Variants in CRADD observed in about 807,000 individuals in gnomAD.
CRADD encodes the protein death domain-containing protein CRADD.
Under a neutral mutation model 15.5 loss-of-function variants are expected in CRADD, and 9 were observed. The observed-to-expected ratio is 0.58, with a 90% confidence interval of 0.35 to 1.01. The LOEUF (loss-of-function observed/expected upper bound fraction) is 1.01, where lower values mean the gene tolerates loss of function less well. CRADD is among the 50% of genes least tolerant of loss of function. CRADD has a pLI of 0.02. For synonymous variants in CRADD, 118 were observed against 107.6 expected (o/e 1.10, Z -0.60); for missense variants, 227 against 250.3 (o/e 0.91, Z 0.63).
At chr12:93,678,731 A>C in intron 1 of CRADD, 38 bp from the exon 2 acceptor site, 1 of 1,585,540 alleles carries the variant, frequency 6.3e-7, no homozygotes, top group Non-Finnish European at 8.6e-7. Context: ...CCACATCAAC[A>C]TGTCTGTAAT....
chr12:93,869,744 A>C lies in CRADD; in HGVS notation c.299-24306A>C, dbSNP rs559747361. On this transcript the variant is annotated intron_variant, in intron 2 of 2. Transcript: ENST00000548483. The stretch of plus-strand genomic sequence containing the variant: ...AGAACTTGAAGAAAAGCCAACAAAA[A>C]TCACCAACTAAAGGAGAAGAATATT... Among the ~76,000 whole-genome samples the C allele has an allele frequency of 1.2e-3, 185 of 152,336 alleles. No homozygotes were observed. In the Middle Eastern group the frequency reaches 0.017, roughly 14 times the overall value.
chr12:93,802,801 G>C (rs976050747), intron 2 of CRADD, among the ~76,000 whole-genome samples: 2 of 152,176 alleles, frequency 1.3e-5, no homozygotes, highest in African/African-American at 2.4e-5. Context: ...CTCAGTGTGA[G>C]CTCTGAATGC....
At chr12:93,818,513 T>C (rs999692100) in intron 2 of CRADD, among the ~76,000 whole-genome samples, 1 of 152,126 alleles carries the variant, frequency 6.6e-6, no homozygotes, top group Non-Finnish European at 1.5e-5. Flanking sequence ...GCTCCCTTCC[T>C]AGACGGGTTT....
chr12:93,770,160 A>C (rs1263111651), intron 2 of CRADD, among the ~76,000 whole-genome samples: 3 of 144,062 alleles, frequency 2.1e-5, no homozygotes, highest in Non-Finnish European at 4.5e-5. Context: ...CAGTGGCGCA[A>C]TCTCGGCTCA....
At chr12:93,703,225 A>G (rs1250611034) in intron 2 of CRADD, among the ~76,000 whole-genome samples, 1 of 152,202 alleles carries the variant, frequency 6.6e-6, no homozygotes, top group South Asian at 2.1e-4. Flanking sequence ...TTTTTTAAAA[A>G]GTCCTTTTAA....
chr12:93,813,451 C>G (rs1957651842), intron 2 of CRADD, among the ~76,000 whole-genome samples: 1 of 152,246 alleles, frequency 6.6e-6, no homozygotes, highest in Non-Finnish European at 1.5e-5. Flanking sequence ...GGGACAGAAA[C>G]TTCCTCTGTC....
At chr12:93,716,883 G>T (rs186009077) in intron 2 of CRADD, among the ~76,000 whole-genome samples, 1 of 152,234 alleles carries the variant, frequency 6.6e-6, no homozygotes, top group East Asian at 1.9e-4. Context: ...AGTTCATTTA[G>T]GTAAATATCA....
intron 2 of CRADD, among the ~76,000 whole-genome samples, chr12:93,752,587 A>G (rs61929000): frequency 0.036 from 5,546 of 152,342 alleles, 156 homozygotes; most frequent in South Asian, 0.065. Flanking sequence ...GAAATACTCC[A>G]AACAGTTAGA....
At chr12:93,815,147 C>G (rs544335794) in intron 2 of CRADD, 3 of 152,216 alleles carry the variant, frequency 2.0e-5, no homozygotes, top group Admixed American at 6.5e-5. Flanking sequence ...TCATGTCCCG[C>G]CGGACATTCA....
chr12:93,790,492 A>AAC (rs1957336673), intron 2 of CRADD, among the ~76,000 whole-genome samples: 1 of 151,452 alleles, frequency 6.6e-6, no homozygotes, highest in East Asian at 1.9e-4. Context: ...AAACTCAACT[A>AAC]AAGCATGGTC....
chr12:93,824,954 A>G lies in CRADD; in HGVS notation c.299-25016A>G, dbSNP rs773564585. Among the ~76,000 whole-genome samples, 5 of 152,228 alleles carry G rather than the reference A, an allele frequency of 3.3e-5. No homozygotes were observed. The highest frequency in any genetic ancestry group is 7.3e-5 in the Non-Finnish European group (5 of 68,042). ...TTGCTCAGATAGTTTTCACAAGTAT[A>G]TATTCATTAATACATGGGGCTTGTT... On this transcript the variant is annotated intron_variant, in intron 2 of 2. Coordinates refer to ENST00000332896, the MANE Select transcript of CRADD (RefSeq NM_003805.5). The surrounding 1 kb of genome is among the most constrained non-coding windows in gnomAD (Gnocchi z 4.3).
At chr12:93,831,120 G>A (rs1786734795) in intron 2 of CRADD, 1 of 152,264 alleles carries the variant, frequency 6.6e-6, no homozygotes, top group Admixed American at 6.5e-5. Flanking sequence ...TAATCAGGAG[G>A]CTGAGGCAGG....
intron 2 of CRADD, among the ~76,000 whole-genome samples, chr12:93,729,585 A>C (rs371053205): frequency 7.2e-5 from 11 of 152,204 alleles, no homozygotes; most frequent in African/African-American, 2.6e-4. Flanking sequence ...TTGGAGTTTG[A>C]GACCAGCCTG....
intron 2 of CRADD, among the ~76,000 whole-genome samples, chr12:93,698,613 A>AT (rs1241678216): frequency 6.6e-6 from 1 of 151,948 alleles, no homozygotes; most frequent in East Asian, 1.9e-4. Context: ...TTATAACCTG[A>AT]TTTTTTTCAG....
At chr12:93,885,847 TG>T (rs776262001) in intron 2 of CRADD, among the ~76,000 whole-genome samples, 1 of 152,126 alleles carries the variant, frequency 6.6e-6, no homozygotes, top group Admixed American at 6.5e-5. Context: ...GAGACCAGCC[TG>T]GCCAACATGG....
intron 2 of CRADD, chr12:93,831,004 A>G (rs1957891652): frequency 6.6e-6 from 1 of 152,204 alleles, no homozygotes; most frequent in Admixed American, 6.5e-5. Context: ...TTTATGTGAG[A>G]TTGGGCATAT....
chr12:93,770,878 G>C (rs1001222305), intron 2 of CRADD, among the ~76,000 whole-genome samples: 4 of 152,166 alleles, frequency 2.6e-5, no homozygotes, highest in African/African-American at 7.2e-5. Flanking sequence ...TAATGAGATT[G>C]TTTTAAATCT....
intron 2 of CRADD, among the ~76,000 whole-genome samples, chr12:93,785,644 C>T (rs554940073): frequency 6.6e-6 from 1 of 152,250 alleles, no homozygotes; most frequent in African/African-American, 2.4e-5. Flanking sequence ...GATGTGAAGT[C>T]TTAGCAGTTC....
Position 93,678,773 on chromosome 12 carries a change from A to T in CRADD, c.-2A>T. ...TGTGATTTTGGCTCTTTCCAGGGAG[A>T]AATGGAGGCCAGAGACAAACAAGTA... On this transcript the variant is annotated 5_prime_UTR_variant, in exon 2 of 3. Coordinates refer to ENST00000332896, the MANE Select transcript of CRADD (RefSeq NM_003805.5). The T allele has an allele frequency of 6.2e-7, 1 of 1,608,888 alleles. No individual in the cohort carries two copies. The highest frequency in any genetic ancestry group is 8.5e-7 in the Non-Finnish European group (1 of 1,176,826).
Sources: allele counts gnomAD v4.1 joint callset (sites outside exome capture counted in the v4.1 genomes callset), GRCh38; gene constraint gnomAD v4.1.1; non-coding constraint Gnocchi (gnomAD v3.1); transcripts MANE v1.5; gene names NCBI Gene and HGNC (gene_info 2026-07-23, HGNC 2026-07-21).